MITF: variants seen among roughly 807,000 people sequenced by gnomAD.
MITF encodes the protein melanocyte inducing transcription factor.
In MITF, 17 loss-of-function variants were observed where a neutral mutation model predicts 60.5. That is an observed-to-expected ratio of 0.28 (90% confidence interval 0.19 to 0.42). The LOEUF is 0.42. Among genes scored for constraint, MITF ranks in the 10% least tolerant of loss-of-function variants. The pLI is 1.00. For missense variants in MITF, 622 were observed against 683.5 expected, an observed-to-expected ratio of 0.91 and a Z score of 1.00; for synonymous variants, 260 against 248.5, an observed-to-expected ratio of 1.05 and a Z score of -0.43.
chr3:69,935,857 AAT>A (rs2065821376), intron 2 of MITF, among the ~76,000 whole-genome samples: 1 of 152,196 alleles, frequency 6.6e-6, no homozygotes, highest in Non-Finnish European at 1.5e-5. Context: ...TAAAGGAATA[AAT>A]ATGTAAATAT....
At chr3:69,763,520 G>C (rs755102597) in intron 1 of MITF, 37 of 1,096,812 alleles carry the variant, frequency 3.4e-5, no homozygotes, top group Non-Finnish European at 4.1e-5. Flanking sequence ...GCCAGCTCCT[G>C]CTGCCAAGGA....
intron 2 of MITF, among the ~76,000 whole-genome samples, chr3:69,906,303 C>T (rs1366657733): frequency 6.6e-6 from 1 of 152,082 alleles, no homozygotes; most frequent in Non-Finnish European, 1.5e-5. Context: ...CTGTCCTGGT[C>T]TGTTTTTCTT....
At chr3:69,789,870 A>G (rs1372267130) in intron 1 of MITF, among the ~76,000 whole-genome samples, 1 of 152,012 alleles carries the variant, frequency 6.6e-6, no homozygotes, top group Non-Finnish European at 1.5e-5. Flanking sequence ...AAACAAACAA[A>G]CAAACCTCTC....
At chr3:69,872,934 T>C (rs1361439671) in intron 1 of MITF, among the ~76,000 whole-genome samples, 1 of 152,230 alleles carries the variant, frequency 6.6e-6, no homozygotes, top group East Asian at 1.9e-4. Flanking sequence ...ATATCCTGCA[T>C]GTCTAGCAGC....
intron 1 of MITF, among the ~76,000 whole-genome samples, chr3:69,872,967 G>T (rs1425716536): frequency 1.3e-5 from 2 of 152,154 alleles, no homozygotes; most frequent in African/African-American, 4.8e-5. Context: ...GAAAGCATTT[G>T]CGTGGGGCAT....
Position 69,965,352 on chromosome 3 carries a change from A to T in MITF, c.*104A>T, listed in dbSNP as rs1484721570. 5 of 1,339,830 alleles carry T rather than the reference A, an allele frequency of 3.7e-6. No individual in the cohort carries two copies. The East Asian group carries it at 7.4e-5, about 20-fold the overall frequency. The allele number at this position is 1,339,830 out of a possible 1,614,324, so 83.0% of individuals were successfully genotyped here. ...TTCTTGATAATTTTCCTTTAATATG[A>T]AATTTTTTTTCATGCTTTATCAATA... On this transcript the variant is annotated 3_prime_UTR_variant, in exon 10 of 10. Transcript: ENST00000352241.
chr3:69,929,210 C>T (rs2065660756), intron 2 of MITF, among the ~76,000 whole-genome samples: 1 of 152,190 alleles, frequency 6.6e-6, no homozygotes, highest in Non-Finnish European at 1.5e-5. Context: ...AGTGGTTCCA[C>T]ACTGCTTCAC....
chr3:69,794,388 A>G (rs1424655426), intron 1 of MITF, among the ~76,000 whole-genome samples: 1 of 152,174 alleles, frequency 6.6e-6, no homozygotes, highest in Admixed American at 6.5e-5. Flanking sequence ...TTTTTACAGA[A>G]AGTCAGATGG....
chr3:69,917,836 T>TTTTTTGTTTTTG (rs199768270), intron 2 of MITF, among the ~76,000 whole-genome samples: 7 of 151,870 alleles, frequency 4.6e-5, no homozygotes, highest in South Asian at 2.1e-4. Flanking sequence ...ATAGAGACTG[T>TTTTTTGTTTTTG]TTTTTGTTTT....
At chr3:69,755,692 C>T (rs112802797) in intron 1 of MITF, among the ~76,000 whole-genome samples, 4 of 151,726 alleles carry the variant, frequency 2.6e-5, no homozygotes, top group Non-Finnish European at 4.4e-5. Flanking sequence ...GGAGAGATTT[C>T]GATTATATTA....
chr3:69,865,440 C>A (rs544125445), intron 1 of MITF, among the ~76,000 whole-genome samples: 1 of 152,270 alleles, frequency 6.6e-6, no homozygotes, highest in African/African-American at 2.4e-5. Context: ...GTAGGAGCTG[C>A]ATGAATATTT....
intron 1 of MITF, among the ~76,000 whole-genome samples, chr3:69,794,209 T>G (rs2062790970): frequency 6.6e-6 from 1 of 152,228 alleles, no homozygotes; most frequent in African/African-American, 2.4e-5. Flanking sequence ...AATCTTTTTC[T>G]GTGAAAAGGT....
chr3:69,951,858 G>A lies in MITF; in HGVS notation c.927G>A (p.Glu309=). The A allele has an allele frequency of 6.2e-7, 1 of 1,613,462 alleles. No individual in the cohort carries two copies. Among genetic ancestry groups the A allele is most frequent in the Non-Finnish European group, 8.5e-7 (1 of 1,179,598 alleles). ...TESEARALAK[E]RQKKDNHNLI... ...CTGAAGCAAGAGCACTGGCCAAAGA[G>A]AGGCAGAAAAAGGACAATCACAACC... Residue 309 remains glutamate, a synonymous_variant, in exon 7 of 10, where the codon GAG becomes GAA. Coordinates refer to ENST00000352241, the MANE Select transcript of MITF (RefSeq NM_001354604.2).
At chr3:69,771,980 T>C (rs1392134516) in intron 1 of MITF, among the ~76,000 whole-genome samples, 1 of 152,234 alleles carries the variant, frequency 6.6e-6, no homozygotes, top group African/African-American at 2.4e-5. Context: ...GTGATGCATT[T>C]GGAGATCGTT....
intron 1 of MITF, among the ~76,000 whole-genome samples, chr3:69,796,436 A>G (rs886767911): frequency 6.6e-6 from 1 of 151,810 alleles, no homozygotes; most frequent in African/African-American, 2.4e-5. Flanking sequence ...GCAGGTAGTA[A>G]AACATTTAAA....
chr3:69,872,150 T>C (rs9827219), intron 1 of MITF, among the ~76,000 whole-genome samples: 4,057 of 152,288 alleles, frequency 0.027, 167 homozygotes, highest in African/African-American at 0.09. Context: ...TTGAAAGGAA[T>C]TGAGTGTTAA....
At chr3:69,860,908 C>A (rs1163634521) in intron 1 of MITF, among the ~76,000 whole-genome samples, 1 of 152,054 alleles carries the variant, frequency 6.6e-6, no homozygotes, top group Non-Finnish European at 1.5e-5. Flanking sequence ...ACAGGCAGAT[C>A]TGTTCTTGGT....
chr3:69,870,357 T>A (rs1412396363), intron 1 of MITF, among the ~76,000 whole-genome samples: 1 of 149,440 alleles, frequency 6.7e-6, no homozygotes, highest in Non-Finnish European at 1.5e-5. Flanking sequence ...TATATGTATG[T>A]GTGTGTATAT....
chr3:69,755,820 T>C (rs1704124918), intron 1 of MITF, among the ~76,000 whole-genome samples: 1 of 152,186 alleles, frequency 6.6e-6, no homozygotes, highest in African/African-American at 2.4e-5. Flanking sequence ...ATGCTACCTG[T>C]AGTAAGGGTG....
Sources: allele counts gnomAD v4.1 joint callset (sites outside exome capture counted in the v4.1 genomes callset), GRCh38; gene constraint gnomAD v4.1.1; transcripts MANE v1.5; gene names NCBI Gene and HGNC (gene_info 2026-07-23, HGNC 2026-07-21).